CDC20B: variants seen among roughly 807,000 people sequenced by gnomAD.
CDC20B encodes the protein cell division cycle 20B, also known as cell division cycle protein 20 homolog B.
Under a neutral mutation model 64.1 loss-of-function variants are expected in CDC20B, and 58 were observed. The ratio of observed to expected loss-of-function variants is 0.90; its 90% CI spans 0.73 to 1.13. The LOEUF (loss-of-function observed/expected upper bound fraction) is 1.13. CDC20B is among the 50% of genes most tolerant of loss of function. The pLI is 0.00. For synonymous variants in CDC20B, 243 were observed against 230.6 expected, an observed-to-expected ratio of 1.05 and a Z score of -0.49; for missense variants, 597 against 633.0, an observed-to-expected ratio of 0.94 and a Z score of 0.61.
In CDC20B at chr5:55,172,600, T is replaced by C. The variant is rs760406195; in HGVS notation, c.114A>G (p.Gln38=). ...GCCCTGGACTCACGTTGGCGGAATCTTGACTTCTCTTCTGCTTCAAGTCTT... is the reference window on the plus strand; with the variant it reads ...GCCCTGGACTCACGTTGGCGGAATCCTGACTTCTCTTCTGCTTCAAGTCTT... ...LSKDLKQKRS[Q]DSANVLDSVN... The change falls in exon 2 of 12, where the codon CAA becomes CAG. Residue 38 remains glutamine, a synonymous_variant. Transcript: ENST00000381375. 4 of 1,613,074 alleles carry C rather than the reference T, an allele frequency of 2.5e-6. No homozygotes were observed. The African/African-American group carries it at 4.0e-5, about 16-fold the overall frequency.
At chr5:55,141,503 G>A (rs1399963688) in intron 4 of CDC20B, among the ~76,000 whole-genome samples, 2 of 152,126 alleles carry the variant, frequency 1.3e-5, no homozygotes, top group Non-Finnish European at 2.9e-5. Context: ...TCTATGTTGT[G>A]TCTACATGGC....
chr5:55,143,631 T>G lies in CDC20B; in HGVS notation c.368A>C (p.Glu123Ala). 2 of 1,595,716 alleles carry G rather than the reference T, an allele frequency of 1.3e-6. No individual in the cohort carries two copies. The highest frequency in any genetic ancestry group is 1.7e-6 in the Non-Finnish European group (2 of 1,173,424). ...TCCTTTGCTGGGGGTCTTCAGTTGTTCTTTGCGGGATCCTACAAGAAAGAC... is the reference window on the plus strand; with the variant it reads ...TCCTTTGCTGGGGGTCTTCAGTTGTGCTTTGCGGGATCCTACAAGAAAGAC... ...KETLTLGSRK[E>A]QLKTPSKGIS... Residue 123 changes from glutamate to alanine, a missense_variant, in exon 4 of 12, where the codon GAA (glutamate) becomes GCA (alanine). Physicochemically the swap from Glu to Ala is moderately radical, Grantham distance 107. Transcript: ENST00000381375.
chr5:55,135,327 T>G (rs1035109372), intron 5 of CDC20B, among the ~76,000 whole-genome samples: 2 of 152,166 alleles, frequency 1.3e-5, no homozygotes, highest in African/African-American at 2.4e-5. Context: ...TCTGGCTTCA[T>G]AGAACATATA....
At position 55,146,867 on chromosome 5, in the gene CDC20B, A is replaced by G. The variant is rs781769868; in HGVS notation, c.127-11T>C. ...AACTGAATCGAGTACCTGTTTAACA[A>G]CAAAAACAGCTGTAAGTCCACTGGC... is the stretch of plus-strand genomic sequence containing the variant. On this transcript the variant is annotated splice_polypyrimidine_tract_variant and intron_variant, in intron 2 of 11. Coordinates refer to ENST00000381375, the MANE Select transcript of CDC20B (RefSeq NM_001170402.1). 3.1e-6 allele frequency: 5 copies of G among 1,607,704 alleles called. No individual in the cohort carries two copies. The East Asian group carries it at 6.7e-5, about 22-fold the overall frequency.
At chr5:55,127,831 T>G (rs749294320) in intron 7 of CDC20B, among the ~76,000 whole-genome samples, 1 of 152,130 alleles carries the variant, frequency 6.6e-6, no homozygotes, top group Non-Finnish European at 1.5e-5. Context: ...AATGACAACT[T>G]TGGTGTAAGA....
intron 9 of CDC20B, among the ~76,000 whole-genome samples, chr5:55,122,891 C>T (rs896247006): frequency 6.6e-6 from 1 of 152,192 alleles, no homozygotes; most frequent in Non-Finnish European, 1.5e-5. Context: ...ATGAGTGATC[C>T]TGAGCCAGAA....
chr5:55,129,006 T>C (rs543624655), intron 6 of CDC20B, among the ~76,000 whole-genome samples: 2 of 152,302 alleles, frequency 1.3e-5, no homozygotes, highest in South Asian at 4.1e-4. Context: ...GCCACCATCA[T>C]TTCTAACCAA....
At chr5:55,154,732 G>A (rs1743763248) in intron 2 of CDC20B, among the ~76,000 whole-genome samples, 1 of 152,102 alleles carries the variant, frequency 6.6e-6, no homozygotes, top group Non-Finnish European at 1.5e-5. Flanking sequence ...GGGACATATG[G>A]TTCATAGTGG....
rs536153524 is a variant in CDC20B, at chr5:55,145,116, A to C, written c.356-1473T>G. ...AAAGTAAAAGGGAGCCCCTAATTTT[A>C]GCCAGAAATTCTTCCAAAAACAATC... On this transcript the variant is annotated intron_variant, in intron 3 of 11. Transcript: ENST00000381375. 6.6e-5 allele frequency among the ~76,000 whole-genome samples: 10 copies of C among 152,352 alleles called. No homozygotes were observed. In the South Asian group the frequency reaches 2.1e-3, roughly 32 times the overall value.
intron 1 of CDC20B, 74 bp from the exon 2 acceptor site, chr5:55,172,724 T>A: frequency 8.1e-7 from 1 of 1,233,812 alleles, no homozygotes. Context: ...GGAATTTTTC[T>A]AGATCTTGTG....
At chr5:55,140,839 GGTCCCAT>G (rs1245584505) in intron 4 of CDC20B, among the ~76,000 whole-genome samples, 1 of 152,052 alleles carries the variant, frequency 6.6e-6, no homozygotes, top group Non-Finnish European at 1.5e-5. Flanking sequence ...CAAAAATCTG[GGTCCCAT>G]CCCTTTGGGC....
intron 2 of CDC20B, chr5:55,172,290 ACTAGCAACTGTTAAAATCATTAACAGCCG>A (rs1303793850): frequency 6.2e-6 from 2 of 320,980 alleles, no homozygotes; most frequent in South Asian, 7.4e-5. Context: ...GAGGAGTGCA[ACTAGCAACTGTTAAAATCATTAACAGCCG>A]CTAGCAATAC....
intron 4 of CDC20B, 93 bp downstream of exon 4, chr5:55,143,420 T>C: frequency 2.3e-6 from 3 of 1,291,424 alleles, no homozygotes; most frequent in Non-Finnish European, 3.1e-6. Context: ...TATTGATTGG[T>C]AAGAGAACTA....
chr5:55,115,429 T>A (rs1241403011), intron 11 of CDC20B, among the ~76,000 whole-genome samples: 1 of 152,224 alleles, frequency 6.6e-6, no homozygotes, highest in Non-Finnish European at 1.5e-5. Flanking sequence ...CTTCTCAGAT[T>A]TATCTGACCA....
At chr5:55,172,559 CAG>C (rs1379761858) in intron 2 of CDC20B, 27 bp downstream of exon 2, 3 of 1,567,056 alleles carry the variant, frequency 1.9e-6, no homozygotes, top group South Asian at 2.2e-5. Flanking sequence ...AGAATTAAAA[CAG>C]AGAACAAGAA....
intron 2 of CDC20B, chr5:55,172,213 C>T (rs1410028634): frequency 4.7e-6 from 1 of 214,870 alleles, no homozygotes; most frequent in African/African-American, 2.4e-5. Context: ...TATGCCACTT[C>T]TCCACATTGT....
intron 8 of CDC20B, 152 bp from the exon 9 acceptor site, chr5:55,125,180 G>C: frequency 1.6e-6 from 1 of 607,800 alleles, no homozygotes; most frequent in Non-Finnish European, 2.9e-6. Flanking sequence ...TAAGGATGGA[G>C]TGTTCTGCCT....
chr5:55,164,025 G>A, intron 2 of CDC20B: 1 of 1,470,844 alleles, frequency 6.8e-7, no homozygotes, highest in Non-Finnish European at 9.2e-7. Flanking sequence ...ATAAAATTAT[G>A]CTCATGAAAA....
intron 9 of CDC20B, among the ~76,000 whole-genome samples, chr5:55,123,206 A>T (rs1056168864): frequency 7.2e-5 from 11 of 152,130 alleles, no homozygotes; most frequent in African/African-American, 2.7e-4. Context: ...AAATATCTAC[A>T]ATATATATCA....
Sources: gnomAD v4.1 joint callset for allele counts (sites outside exome capture counted in the v4.1 genomes callset) on GRCh38, gnomAD v4.1.1 for gene constraint, MANE v1.5 for transcripts, NCBI Gene and HGNC (gene_info 2026-07-23, HGNC 2026-07-21) for gene names.